PTPRD: variants seen among roughly 807,000 people sequenced by gnomAD.
The protein encoded by PTPRD is receptor-type tyrosine-protein phosphatase delta.
In PTPRD, 34 loss-of-function variants were observed where a neutral mutation model predicts 214.5. That is an observed-to-expected ratio of 0.16 (90% CI 0.12 to 0.21). PTPRD has a LOEUF of 0.21. Ranked by LOEUF, PTPRD falls within the 10% of genes least tolerant of loss-of-function variation. The probability of loss-of-function intolerance (pLI) is 1.00; values close to 1 mark genes in which losing one functional copy is unlikely to be tolerated. For missense variants in PTPRD, 2,545 were observed against 2,398.7 expected, an observed-to-expected ratio of 1.06 and a Z score of -1.27; for synonymous variants, 1,128 against 845.7, an observed-to-expected ratio of 1.33 and a Z score of -5.79.
chr9:8,403,443 C>A (rs2092653347), intron 36 of PTPRD, among the ~76,000 whole-genome samples: 1 of 152,230 alleles, frequency 6.6e-6, no homozygotes, highest in South Asian at 2.1e-4. Context: ...CCCAGGTTGA[C>A]TGTTAGAGGC....
intron 3 of PTPRD, among the ~76,000 whole-genome samples, chr9:10,185,739 C>G (rs528917514): frequency 6.6e-6 from 1 of 151,828 alleles, no homozygotes; most frequent in Admixed American, 6.6e-5. Flanking sequence ...GTAGAACCAG[C>G]GGTTTTTTTT....
At chr9:9,790,790 G>A (rs1265492250) in intron 5 of PTPRD, among the ~76,000 whole-genome samples, 2 of 152,074 alleles carry the variant, frequency 1.3e-5, no homozygotes, top group African/African-American at 2.4e-5. Context: ...CTTGTAATGT[G>A]TTTCAGTAGT....
chr9:8,909,820 TA>T (rs2098734677), intron 11 of PTPRD, among the ~76,000 whole-genome samples: 1 of 121,966 alleles, frequency 8.2e-6, no homozygotes, highest in Non-Finnish European at 1.6e-5. Context: ...GAGATAGAGA[TA>T]GGGATGGGAA....
chr9:8,325,124 G>C (rs1316833071), intron 44 of PTPRD, among the ~76,000 whole-genome samples: 2 of 148,966 alleles, frequency 1.3e-5, no homozygotes, highest in Non-Finnish European at 3.0e-5. Context: ...TGCCACTTTT[G>C]GCTTTAGTTG....
intron 3 of PTPRD, among the ~76,000 whole-genome samples, chr9:10,100,029 T>A (rs551865087): frequency 6.6e-6 from 1 of 151,862 alleles, no homozygotes; most frequent in South Asian, 2.1e-4. Flanking sequence ...ATATGTGTTT[T>A]CGGTGTGAGT....
At chr9:10,181,596 T>C (rs1203493486) in intron 3 of PTPRD, among the ~76,000 whole-genome samples, 4 of 151,864 alleles carry the variant, frequency 2.6e-5, no homozygotes, top group South Asian at 2.1e-4. Context: ...AGAGCAAAAA[T>C]AGAGAACTGA....
chr9:8,734,964 A>C (rs1385261036), intron 11 of PTPRD, among the ~76,000 whole-genome samples: 1 of 152,074 alleles, frequency 6.6e-6, no homozygotes, highest in African/African-American at 2.4e-5. Flanking sequence ...TGGGAAAGGA[A>C]CTTTGGAAAA....
intron 2 of PTPRD, among the ~76,000 whole-genome samples, chr9:10,599,825 C>T (rs2133304274): frequency 6.6e-6 from 1 of 151,834 alleles, no homozygotes; most frequent in South Asian, 2.1e-4. Context: ...GATTATTTCC[C>T]CTTCTAATCA....
At chr9:10,220,247 A>G (rs1250994494) in intron 3 of PTPRD, among the ~76,000 whole-genome samples, 1 of 151,932 alleles carries the variant, frequency 6.6e-6, no homozygotes, top group Non-Finnish European at 1.5e-5. Context: ...ATGATGAAAA[A>G]TTACTAATAT....
chr9:10,086,997 G>A (rs1424702749), intron 3 of PTPRD, among the ~76,000 whole-genome samples: 1 of 151,570 alleles, frequency 6.6e-6, no homozygotes, highest in Non-Finnish European at 1.5e-5. Context: ...CTTAATTTAG[G>A]ATTCAGCAAT....
chr9:8,329,536 G>C (rs1487829828), intron 44 of PTPRD, among the ~76,000 whole-genome samples: 1 of 152,130 alleles, frequency 6.6e-6, no homozygotes, highest in African/African-American at 2.4e-5. Flanking sequence ...ATCAGAGCTC[G>C]AACACTGCAC....
intron 3 of PTPRD, among the ~76,000 whole-genome samples, chr9:10,263,585 A>G (rs980158882): frequency 2.6e-5 from 4 of 152,132 alleles, no homozygotes; most frequent in Non-Finnish European, 5.9e-5. Flanking sequence ...GAGATGATTT[A>G]AGGTATCTGG....
At chr9:9,202,341 T>C (rs1569561785) in intron 9 of PTPRD, among the ~76,000 whole-genome samples, 2 of 152,230 alleles carry the variant, frequency 1.3e-5, no homozygotes, top group Non-Finnish European at 2.9e-5. Context: ...TTCTCTTTAA[T>C]ATCCTGATAT....
At chr9:9,542,582 T>C (rs1238802886) in intron 8 of PTPRD, among the ~76,000 whole-genome samples, 3 of 151,684 alleles carry the variant, frequency 2.0e-5, no homozygotes, top group East Asian at 1.9e-4. Context: ...ATAGGTCTTA[T>C]ATACAAAATA....
intron 3 of PTPRD, among the ~76,000 whole-genome samples, chr9:10,176,182 T>A (rs906097778): frequency 2.0e-5 from 3 of 152,006 alleles, no homozygotes; most frequent in African/African-American, 7.2e-5. Flanking sequence ...AACCTTTTAA[T>A]ATTACATGTA....
intron 2 of PTPRD, among the ~76,000 whole-genome samples, chr9:10,586,127 A>G (rs1156750632): frequency 6.6e-6 from 1 of 152,130 alleles, no homozygotes; most frequent in Non-Finnish European, 1.5e-5. Flanking sequence ...AAGAGATTTA[A>G]GCATTCAAAA....
chr9:8,633,475 T>C lies in PTPRD; in HGVS notation c.211-17A>G, dbSNP rs183039681. 238 of 1,609,288 alleles carry C rather than the reference T, an allele frequency of 1.5e-4. No individual in the cohort carries two copies. The highest frequency in any genetic ancestry group is 1.2e-3 in the African/African-American group (92 of 74,726). ...CTCTATTACCTATTAGAGGAAACAA[T>C]AGCTGTCACAGGTGTTGTTACAATT... On this transcript the variant is annotated splice_polypyrimidine_tract_variant and intron_variant, in intron 13 of 45. Coordinates refer to ENST00000381196, the MANE Select transcript of PTPRD (RefSeq NM_002839.4).
At chr9:8,620,881 G>C (rs139768989) in intron 14 of PTPRD, among the ~76,000 whole-genome samples, 3 of 151,968 alleles carry the variant, frequency 2.0e-5, no homozygotes, top group African/African-American at 7.2e-5. Context: ...ATGTACACAA[G>C]TAATTTTTCT....
chr9:8,448,142 C>A (rs985219275), intron 34 of PTPRD, among the ~76,000 whole-genome samples: 1 of 151,820 alleles, frequency 6.6e-6, no homozygotes, highest in Non-Finnish European at 1.5e-5. Flanking sequence ...TTGTGCAACA[C>A]GGCCAAACTC....
Sources: gnomAD v4.1 joint callset for allele counts (sites outside exome capture counted in the v4.1 genomes callset) on GRCh38, gnomAD v4.1.1 for gene constraint, MANE v1.5 for transcripts, NCBI Gene and HGNC (gene_info 2026-07-23, HGNC 2026-07-21) for gene names.